Variants in DTHD1 observed in about 807,000 individuals in gnomAD.
DTHD1 encodes the protein death domain containing 1.
DTHD1 carries 59 observed loss-of-function variants against 74.8 expected under a neutral mutation model. That is an observed-to-expected ratio of 0.79 (90% CI 0.64 to 0.98). The LOEUF (loss-of-function observed/expected upper bound fraction) is 0.98, where lower values mean the gene tolerates loss of function less well. Ranked by LOEUF, DTHD1 falls within the 50% of genes least tolerant of loss-of-function variation. The pLI, the probability that DTHD1 is intolerant of heterozygous loss-of-function variation, is 0.00. For synonymous variants in DTHD1, 365 were observed against 371.1 expected (o/e 0.98, Z 0.19); for missense variants, 1,051 against 1,065.4 (o/e 0.99, Z 0.19).
intron 5 of DTHD1, among the ~76,000 whole-genome samples, chr4:36,299,302 A>T (rs746009784): frequency 6.6e-6 from 1 of 152,144 alleles, no homozygotes; most frequent in African/African-American, 2.4e-5. Context: ...ACCACCTTTG[A>T]TATAACATGC....
intron 1 of DTHD1, 68 bp from the exon 2 acceptor site, chr4:36,283,908 T>TC (rs1350180236): frequency 9.2e-7 from 1 of 1,085,004 alleles, no homozygotes; most frequent in Non-Finnish European, 1.3e-6. Flanking sequence ...TCATTAGATG[T>TC]CAGTGCAGAA....
At chr4:36,306,568 C>T (rs555112431) in intron 6 of DTHD1, among the ~76,000 whole-genome samples, 147 of 152,326 alleles carry the variant, frequency 9.7e-4, no homozygotes, top group Middle Eastern at 3.4e-3. Context: ...GGAAAGCACT[C>T]ATAACTACAG....
chr4:36,306,193 C>A lies in DTHD1; in HGVS notation c.1646C>A (p.Thr549Lys), dbSNP rs887026078. Residue 549 changes from threonine (T) to lysine (K), a missense_variant and splice_region_variant, in exon 6 of 10, where the codon ACA becomes AAA. Thr to Lys is a moderately conservative substitution (Grantham distance 78). Transcript: ENST00000639862. ...TCTCTTCTGTTACCATTATATAGGA[C>A]AAAAATTGCCTCCATAAGAAAACCT... ...NRITPSYFNR[T>K]KIASIRKPRK... 6.4e-7 allele frequency: 1 copy of A among 1,551,206 alleles called. No homozygotes were observed. Among genetic ancestry groups the A allele is most frequent in the Non-Finnish European group, 8.7e-7 (1 of 1,146,698 alleles).
At chr4:36,297,754 G>A (rs1432215411) in intron 5 of DTHD1, among the ~76,000 whole-genome samples, 4 of 152,134 alleles carry the variant, frequency 2.6e-5, no homozygotes, top group South Asian at 4.1e-4. Flanking sequence ...CCCCTGGCAC[G>A]TGTGCATGGG....
In DTHD1 at chr4:36,290,705, T is replaced by C. The variant is rs1413808913; in HGVS notation, c.1218+2T>C. On this transcript the variant is annotated splice_donor_variant, in intron 3 of 9. Coordinates refer to ENST00000639862, the MANE Select transcript of DTHD1 (RefSeq NM_001170700.3). LOFTEE classifies it high-confidence loss of function. ...GAAGGAATGAAGGGAGGTTATAAGGTTAGTAAATTCTTGGCTATATCTACA... is the reference window on the plus strand; with the variant it reads ...GAAGGAATGAAGGGAGGTTATAAGGCTAGTAAATTCTTGGCTATATCTACA... 3 of 1,531,088 alleles carry C rather than the reference T, an allele frequency of 2.0e-6. No homozygotes were observed. Among genetic ancestry groups the C allele is most frequent in the Non-Finnish European group, 2.6e-6 (3 of 1,142,258 alleles). 94.8% of individuals were successfully genotyped at this position (1,531,088 alleles called of 1,614,324 possible). A position where few individuals can be genotyped will look rare whatever the true frequency, so the allele number is the denominator to read the frequency against.
rs1296682852 is a variant in DTHD1 at position 36,346,914 on chromosome 4, G to A, written c.*3090G>A. On this transcript the variant is annotated 3_prime_UTR_variant, in exon 10 of 10. Coordinates refer to ENST00000639862, the MANE Select transcript of DTHD1 (RefSeq NM_001170700.3). ...GTGGTAATAGCTCTCTTGTTGTTTG[G>A]AGTAACTGTGTTATTCCTTGCAGTT... 6.6e-6 allele frequency among the ~76,000 whole-genome samples: 1 copy of A among 151,892 alleles called. No homozygotes were observed. The highest frequency in any genetic ancestry group is 2.4e-5 in the African/African-American group (1 of 41,336).
Position 36,346,684 on chromosome 4 carries a change from C to T in DTHD1, c.*2860C>T, listed in dbSNP as rs1041157209. 1.5e-4 allele frequency among the ~76,000 whole-genome samples: 23 copies of T among 152,016 alleles called. No individual in the cohort carries two copies. Among genetic ancestry groups the T allele is most frequent in the Non-Finnish European group, 5.9e-5 (4 of 68,004 alleles). On this transcript the variant is annotated 3_prime_UTR_variant, in exon 10 of 10. Transcript: ENST00000639862. Reference sequence around the variant, plus strand: ...TGGACCACATCAGAGATGCCTTGTTCGCTTTTGCTAATGCAAAGCCCCAGC... The same window carrying T: ...TGGACCACATCAGAGATGCCTTGTTTGCTTTTGCTAATGCAAAGCCCCAGC...
At chr4:36,337,449 A>G (rs983956641) in intron 8 of DTHD1, among the ~76,000 whole-genome samples, 5 of 152,164 alleles carry the variant, frequency 3.3e-5, no homozygotes, top group Non-Finnish European at 7.4e-5. Context: ...GGGAAATACT[A>G]CTGATATAAA....
intron 9 of DTHD1, 59 bp downstream of exon 9, chr4:36,339,228 T>C (rs368644926): frequency 6.1e-6 from 7 of 1,155,334 alleles, no homozygotes; most frequent in Non-Finnish European, 6.1e-6. Flanking sequence ...ATATGTTGTA[T>C]ATATGTGAAT....
At chr4:36,328,329 T>C (rs982717046) in intron 8 of DTHD1, among the ~76,000 whole-genome samples, 1 of 152,232 alleles carries the variant, frequency 6.6e-6, no homozygotes, top group African/African-American at 2.4e-5. Context: ...CTTCCTTTTA[T>C]TTTGAGGGCC....
chr4:36,311,627 G>T (rs1451966070), intron 7 of DTHD1: 1 of 151,444 alleles, frequency 6.6e-6, no homozygotes. Context: ...TTTCATTTGT[G>T]GCCTTTGTCA....
chr4:36,327,857 A>G (rs1758442428), intron 8 of DTHD1, among the ~76,000 whole-genome samples: 1 of 152,046 alleles, frequency 6.6e-6, no homozygotes, highest in Non-Finnish European at 1.5e-5. Flanking sequence ...CCTTCCTTCT[A>G]TCTGTCTCCA....
At chr4:36,293,811 G>T in intron 4 of DTHD1, 106 bp downstream of exon 4, 2 of 1,011,780 alleles carry the variant, frequency 2.0e-6, no homozygotes, top group Non-Finnish European at 2.7e-6. Flanking sequence ...AACAAAAAAT[G>T]GATTATTTTC....
intron 8 of DTHD1, among the ~76,000 whole-genome samples, chr4:36,321,299 C>T (rs562580926): frequency 2.6e-5 from 4 of 152,288 alleles, no homozygotes; most frequent in African/African-American, 9.6e-5. Context: ...AGGAGGTGAA[C>T]GTTGGGCAAG....
intron 3 of DTHD1, among the ~76,000 whole-genome samples, chr4:36,291,698 C>T (rs749162105): frequency 1.1e-4 from 16 of 152,118 alleles, no homozygotes; most frequent in Admixed American, 3.3e-4. Flanking sequence ...CCTGGTAGTG[C>T]ATGTCTATAA....
In DTHD1 at chr4:36,294,861, C is replaced by G. The variant is rs1756297889; in HGVS notation, c.1465C>G (p.Gln489Glu). ...ACAGCAAGATACTTTCTACTCAGTC[C>G]AATCCACAAGCCCTCTGATTCACAT... ...KAQQDTFYSV[Q>E]STSPLIHIQH... Residue 489 changes from glutamine to glutamate, a missense_variant, in exon 5 of 10, where the codon CAA becomes GAA. Gln to Glu is a conservative substitution (Grantham distance 29). Transcript: ENST00000639862. The G allele has an allele frequency of 6.4e-7, 1 of 1,551,582 alleles. No individual in the cohort carries two copies. The highest frequency in any genetic ancestry group is 2.0e-5 in the Admixed American group (1 of 50,970).
chr4:36,314,471 T>C (rs1054087091), intron 7 of DTHD1, among the ~76,000 whole-genome samples: 1 of 144,188 alleles, frequency 6.9e-6, no homozygotes, highest in Admixed American at 7.3e-5. Context: ...TCAGGAGAGT[T>C]CGAGACCAGC....
chr4:36,292,740 G>T (rs980204868), intron 3 of DTHD1, among the ~76,000 whole-genome samples: 1 of 152,202 alleles, frequency 6.6e-6, no homozygotes, highest in Non-Finnish European at 1.5e-5. Context: ...ATGTGAGCAT[G>T]ATTATCCACG....
In DTHD1 at chr4:36,284,087, A is replaced by T. The variant is rs1318959750; in HGVS notation, c.383A>T (p.Asp128Val). 1 of 1,537,260 alleles carries T rather than the reference A, an allele frequency of 6.5e-7. No individual in the cohort carries two copies. Among genetic ancestry groups the T allele is most frequent in the Non-Finnish European group, 8.7e-7 (1 of 1,146,898 alleles). The change falls in exon 2 of 10, where the codon GAT (aspartate) becomes GTT (valine). Residue 128 changes from aspartate (D) to valine (V), a missense_variant. Transcript: ENST00000639862. ...ATTTGTAATTTATGCGGCATGCATG[A>T]TGAATGTACTCCACAGCAGACAATG... ...KEICNLCGMH[D>V]ECTPQQTMSS...
Sources: allele counts gnomAD v4.1 joint callset (sites outside exome capture counted in the v4.1 genomes callset), GRCh38; gene constraint gnomAD v4.1.1; transcripts MANE v1.5; gene names NCBI Gene and HGNC (gene_info 2026-07-23, HGNC 2026-07-21).